The following CNTNAP5 variants were observed in gnomAD, a reference collection of about 807,000 sequenced individuals.
The protein encoded by CNTNAP5 is contactin associated protein family member 5.
Under a neutral mutation model 150.2 loss-of-function variants are expected in CNTNAP5, and 72 were observed. That is an observed-to-expected ratio of 0.48 (90% CI 0.40 to 0.58). The LOEUF is 0.58. CNTNAP5 is among the 20% of genes least tolerant of loss of function. The pLI is 0.00. For synonymous variants in CNTNAP5, 672 were observed against 619.8 expected (o/e 1.08, Z -1.25); for missense variants, 1,636 against 1,626.2 (o/e 1.01, Z -0.10).
At chr2:124,405,353 T>C (rs1333283772) in intron 3 of CNTNAP5, among the ~76,000 whole-genome samples, 5 of 152,122 alleles carry the variant, frequency 3.3e-5, no homozygotes, top group Admixed American at 2.0e-4. Context: ...AACTAATACA[T>C]GCAAAGAGCC....
At chr2:124,392,715 AAGAAG>A in intron 3 of CNTNAP5, among the ~76,000 whole-genome samples, 1 of 121,736 alleles carries the variant, frequency 8.2e-6, no homozygotes, top group Non-Finnish European at 1.7e-5. Context: ...AAAAAAGGAA[AAGAAG>A]GAGGGGAGGA....
chr2:124,271,770 A>C (rs1030462357), intron 3 of CNTNAP5, among the ~76,000 whole-genome samples: 3 of 151,682 alleles, frequency 2.0e-5, no homozygotes, highest in Non-Finnish European at 4.4e-5. Flanking sequence ...GCTGTAGTGC[A>C]TTGGCACGAT....
At chr2:124,466,051 A>G (rs373943470) in intron 6 of CNTNAP5, among the ~76,000 whole-genome samples, 1 of 152,068 alleles carries the variant, frequency 6.6e-6, no homozygotes, top group East Asian at 1.9e-4. Context: ...ACCTACCACA[A>G]CTAGACTCCA....
At chr2:124,790,394 G>C (rs1322088546) in intron 18 of CNTNAP5, among the ~76,000 whole-genome samples, 1 of 152,190 alleles carries the variant, frequency 6.6e-6, no homozygotes, top group East Asian at 1.9e-4. Flanking sequence ...GTTAAGTAGA[G>C]AAAGAGGTGG....
chr2:124,100,631 T>C (rs1683042109), intron 1 of CNTNAP5, among the ~76,000 whole-genome samples: 1 of 151,956 alleles, frequency 6.6e-6, no homozygotes, highest in African/African-American at 2.4e-5. Context: ...TTTGGGAGGT[T>C]GAGGCAGGTG....
chr2:124,167,254 T>C (rs915736345), intron 1 of CNTNAP5, among the ~76,000 whole-genome samples: 1 of 152,174 alleles, frequency 6.6e-6, no homozygotes, highest in African/African-American at 2.4e-5. Flanking sequence ...TTAAAACATG[T>C]TGCTTCTGCT....
intron 19 of CNTNAP5, among the ~76,000 whole-genome samples, chr2:124,821,927 A>G (rs1024577391): frequency 1.3e-5 from 2 of 152,208 alleles, no homozygotes; most frequent in Admixed American, 6.5e-5. Context: ...CTGCAACACC[A>G]TGGTGAGGTC....
chr2:124,848,991 G>T (rs892119069), intron 19 of CNTNAP5, among the ~76,000 whole-genome samples: 1 of 152,044 alleles, frequency 6.6e-6, no homozygotes, highest in African/African-American at 2.4e-5. Context: ...TTCTTAGTGT[G>T]ATGTGGTCTC....
intron 10 of CNTNAP5, among the ~76,000 whole-genome samples, chr2:124,559,184 GC>G (rs1322305942): frequency 6.6e-6 from 1 of 152,064 alleles, no homozygotes; most frequent in African/African-American, 2.4e-5. Context: ...ATTGTCAATA[GC>G]CCCACCTAGC....
rs1425315219 is a variant in CNTNAP5 at position 124,563,306 on chromosome 2, G to A, written c.1739G>A (p.Gly580Asp). The change falls in exon 11 of 24, where the codon GGT becomes GAT. Residue 580 changes from glycine to aspartate, a missense_variant. Coordinates refer to ENST00000682447, the MANE Select transcript of CNTNAP5 (RefSeq NM_001367498.1). ...AACTGCAGTGACACAAGTTACACTG[G>A]TGCCACCTGCCACAACTGTGAGTAG... ...YCNCSDTSYTGATCHNSIYEQ... is the reference protein window; with the variant it reads ...YCNCSDTSYTDATCHNSIYEQ... 1.3e-6 allele frequency: 2 copies of A among 1,561,242 alleles called. No individual in the cohort carries two copies. The highest frequency in any genetic ancestry group is 1.7e-6 in the Non-Finnish European group (2 of 1,151,534).
chr2:124,208,850 C>G (rs1403931919), intron 1 of CNTNAP5, among the ~76,000 whole-genome samples: 1 of 152,310 alleles, frequency 6.6e-6, no homozygotes, highest in Non-Finnish European at 1.5e-5. Context: ...CAGAGGTTCA[C>G]AGGATAGTTA....
At chr2:124,091,767 A>G (rs912357523) in intron 1 of CNTNAP5, among the ~76,000 whole-genome samples, 5 of 152,176 alleles carry the variant, frequency 3.3e-5, no homozygotes, top group Non-Finnish European at 5.9e-5. Flanking sequence ...GAGGTCCTCA[A>G]TCCATGAAAT....
At chr2:124,107,781 A>T (rs942481417) in intron 1 of CNTNAP5, among the ~76,000 whole-genome samples, 4 of 152,240 alleles carry the variant, frequency 2.6e-5, no homozygotes, top group African/African-American at 9.6e-5. Context: ...TGCATGACAC[A>T]GCCTCAGGAA....
At chr2:124,036,435 C>G (rs926006678) in intron 1 of CNTNAP5, among the ~76,000 whole-genome samples, 1 of 152,020 alleles carries the variant, frequency 6.6e-6, no homozygotes, top group Non-Finnish European at 1.5e-5. Flanking sequence ...GTTACGGTCA[C>G]CTGGGACTAT....
chr2:124,645,306 T>G (rs1678180076), intron 12 of CNTNAP5, among the ~76,000 whole-genome samples: 1 of 152,220 alleles, frequency 6.6e-6, no homozygotes, highest in South Asian at 2.1e-4. Flanking sequence ...TTAGGTTGGA[T>G]GCAGTGGCTC....
At chr2:124,101,096 A>C (rs1232003190) in intron 1 of CNTNAP5, among the ~76,000 whole-genome samples, 1 of 152,166 alleles carries the variant, frequency 6.6e-6, no homozygotes, top group Non-Finnish European at 1.5e-5. Flanking sequence ...TGATCACGAC[A>C]GATATTGAGG....
intron 11 of CNTNAP5, among the ~76,000 whole-genome samples, chr2:124,567,344 G>A (rs1190640219): frequency 1.3e-5 from 2 of 152,130 alleles, no homozygotes; most frequent in African/African-American, 2.4e-5. Flanking sequence ...ATACTTAAGG[G>A]ACTTGGATAT....
chr2:124,646,220 C>A (rs529272887), intron 12 of CNTNAP5, among the ~76,000 whole-genome samples: 141 of 152,302 alleles, frequency 9.3e-4, no homozygotes, highest in African/African-American at 3.2e-3. Context: ...CGACATGTCC[C>A]AAGTTGTGTA....
chr2:124,920,980 C>T lies in CNTNAP5; in HGVS notation c.*6692C>T, dbSNP rs959571507. Among the ~76,000 whole-genome samples, 1 of 151,998 alleles carries T rather than the reference C, an allele frequency of 6.6e-6. No homozygotes were observed. The highest frequency in any genetic ancestry group is 2.1e-4 in the South Asian group (1 of 4,824). ...TTTTTGTGGAAATGCTGGAGTCTACCTTTTCCTTTTTATCTTCTGATTTTT... is the reference window on the plus strand; with the variant it reads ...TTTTTGTGGAAATGCTGGAGTCTACTTTTTCCTTTTTATCTTCTGATTTTT... On this transcript the variant is annotated 3_prime_UTR_variant, in exon 24 of 24. Coordinates refer to ENST00000682447, the MANE Select transcript of CNTNAP5 (RefSeq NM_001367498.1).
Sources: gnomAD v4.1 joint callset for allele counts (sites outside exome capture counted in the v4.1 genomes callset) on GRCh38, gnomAD v4.1.1 for gene constraint, MANE v1.5 for transcripts, NCBI Gene and HGNC (gene_info 2026-07-23, HGNC 2026-07-21) for gene names.